The following VPS13A variants were observed in gnomAD, a reference collection of about 807,000 sequenced individuals.
VPS13A encodes the protein intermembrane lipid transfer protein VPS13A.
A neutral mutation model predicts 390.9 loss-of-function variants in VPS13A; 264 were observed. The ratio of observed to expected loss-of-function variants is 0.68; its 90% CI spans 0.61 to 0.75. VPS13A has a LOEUF of 0.75. Ranked by LOEUF, VPS13A falls within the 30% of genes least tolerant of loss-of-function variation. The pLI is 0.00. For missense variants in VPS13A, 3,409 were observed against 3,733.9 expected, an observed-to-expected ratio of 0.91 and a Z score of 2.27; for synonymous variants, 1,231 against 1,227.1, an observed-to-expected ratio of 1.00 and a Z score of -0.07.
intron 46 of VPS13A, among the ~76,000 whole-genome samples, chr9:77,335,911 G>C (rs1196872109): frequency 6.6e-6 from 1 of 152,162 alleles, no homozygotes; most frequent in Non-Finnish European, 1.5e-5. Context: ...ACACACATAT[G>C]TTTATTGCAG....
At chr9:77,399,179 AATAAAAAAAAAAAAAAAAAAAAAAAAC>A (rs1262301958) in intron 68 of VPS13A, among the ~76,000 whole-genome samples, 1 of 60,920 alleles carries the variant, frequency 1.6e-5, no homozygotes, top group Non-Finnish European at 3.3e-5. Context: ...AAAAAAAAAA[AATAAAAAAAAAAAAAAAAAAAAAAAAC>A]AAAGGATACG....
intron 17 of VPS13A, among the ~76,000 whole-genome samples, chr9:77,233,537 G>A (rs755213366): frequency 6.6e-5 from 10 of 151,944 alleles, no homozygotes; most frequent in Non-Finnish European, 1.2e-4. Flanking sequence ...GTAGGCATTT[G>A]CAAACAAAAA....
chr9:77,404,373 G>C (rs559644791), intron 69 of VPS13A, among the ~76,000 whole-genome samples: 1 of 152,104 alleles, frequency 6.6e-6, no homozygotes, highest in Non-Finnish European at 1.5e-5. Flanking sequence ...ACATGTCAAC[G>C]TATGGACAGC....
At chr9:77,358,691 A>T (rs1468964907) in intron 57 of VPS13A, among the ~76,000 whole-genome samples, 1 of 152,236 alleles carries the variant, frequency 6.6e-6, no homozygotes, top group Non-Finnish European at 1.5e-5. Flanking sequence ...AAAAGCAGAT[A>T]ATCTGTAAAC....
rs1830592063 is a variant in VPS13A, at chr9:77,337,343, C to T, written c.6184C>T (p.Leu2062Phe). Residue 2062 changes from leucine to phenylalanine, a missense_variant, in exon 47 of 72, where the codon CTT becomes TTT. Leu to Phe is a conservative substitution (Grantham distance 22). Coordinates refer to ENST00000360280, the MANE Select transcript of VPS13A (RefSeq NM_033305.3). ...AGAGATTATAAAAAATGATGGTGCT[C>T]TTCTAAAGAAGAAATGTAGATCTAA... ...FEEIIKNDGA[L>F]LKKKCRSKNP... The T allele has an allele frequency of 2.5e-6, 4 of 1,612,568 alleles. No homozygotes were observed. The Admixed American group carries it at 5.0e-5, about 20-fold the overall frequency.
rs1829238601 is a variant in VPS13A, at chr9:77,313,978, T to G, written c.4115-14T>G. 1.9e-6 allele frequency: 3 copies of G among 1,607,854 alleles called. No homozygotes were observed. Among genetic ancestry groups the G allele is most frequent in the Non-Finnish European group, 2.5e-6 (3 of 1,176,644 alleles). On this transcript the variant is annotated splice_polypyrimidine_tract_variant and intron_variant, in intron 35 of 71. Coordinates refer to ENST00000360280, the MANE Select transcript of VPS13A (RefSeq NM_033305.3). ...TGATATTTTCTTTTATTAAATAACT[T>G]TAATTTTTTCAAGGAGCAACTGTGG... is the stretch of plus-strand genomic sequence containing the variant.
chr9:77,321,647 A>C lies in VPS13A; in HGVS notation c.5731A>C (p.Asn1911His). The change falls in exon 44 of 72, where the codon AAT becomes CAT. Residue 1911 changes from asparagine (N) to histidine (H), a missense_variant. Transcript: ENST00000360280. The stretch of plus-strand genomic sequence containing the variant: ...TATGGCAAAATCATATGTATTGAAA[A>C]ATGGAGAAAGTTTAAGTATGGATTA... ...IPMAKSYVLK[N>H]GESLSMDYIR... 1.2e-6 allele frequency: 2 copies of C among 1,613,350 alleles called. No individual in the cohort carries two copies. The highest frequency in any genetic ancestry group is 8.5e-7 in the Non-Finnish European group (1 of 1,179,576).
Position 77,314,706 on chromosome 9 carries a change from C to T in VPS13A, c.4412+42C>T, listed in dbSNP as rs41289965. 3.6e-3 allele frequency: 5,750 copies of T among 1,579,660 alleles called. 22 individuals are homozygous for T. Among genetic ancestry groups the T allele is most frequent in the Non-Finnish European group, 4.7e-3 (5,423 of 1,151,086 alleles). On this transcript the variant is annotated intron_variant, in intron 37 of 71. Coordinates refer to ENST00000360280, the MANE Select transcript of VPS13A (RefSeq NM_033305.3). ...TGTTCTAAGGTTTTACTTGAGAAATCGTTGATATATTTTACAGAATTCATC... is the reference window on the plus strand; with the variant it reads ...TGTTCTAAGGTTTTACTTGAGAAATTGTTGATATATTTTACAGAATTCATC...
chr9:77,261,783 C>T (rs148467147), intron 23 of VPS13A, among the ~76,000 whole-genome samples: 5 of 152,056 alleles, frequency 3.3e-5, no homozygotes, highest in African/African-American at 4.8e-5. Flanking sequence ...TGGAGTTTCA[C>T]CATGTTGGCC....
intron 26 of VPS13A, among the ~76,000 whole-genome samples, 163 bp downstream of exon 26, chr9:77,276,384 G>A (rs997781346): frequency 6.6e-6 from 1 of 151,994 alleles, no homozygotes; most frequent in African/African-American, 2.4e-5. Flanking sequence ...TTGGTAATGT[G>A]GGGGGCACAC....
intron 53 of VPS13A, among the ~76,000 whole-genome samples, chr9:77,351,679 G>A (rs1831474831): frequency 6.6e-6 from 1 of 152,120 alleles, no homozygotes; most frequent in Non-Finnish European, 1.5e-5. Flanking sequence ...GACCAGCCTG[G>A]CCAATATGGT....
At chr9:77,214,258 A>G (rs1204409202) in intron 9 of VPS13A, 71 bp from the exon 10 acceptor site, 3 of 1,341,032 alleles carry the variant, frequency 2.2e-6, no homozygotes, top group East Asian at 4.7e-5. Flanking sequence ...CCTGGGTGAC[A>G]GGGGGAGACT....
At chr9:77,212,184 C>T (rs550922976) in intron 7 of VPS13A, among the ~76,000 whole-genome samples, 2 of 152,268 alleles carry the variant, frequency 1.3e-5, no homozygotes, top group African/African-American at 4.8e-5. Context: ...CTCTCAGTGG[C>T]TTTTCATTGC....
intron 46 of VPS13A, among the ~76,000 whole-genome samples, chr9:77,336,896 T>C (rs1395368450): frequency 6.7e-6 from 1 of 149,392 alleles, no homozygotes; most frequent in African/African-American, 2.5e-5. Flanking sequence ...TCCCGGGTTC[T>C]CTCCATTCTC....
At chr9:77,299,016 A>T (rs1027129254) in intron 33 of VPS13A, among the ~76,000 whole-genome samples, 9 of 152,110 alleles carry the variant, frequency 5.9e-5, no homozygotes, top group Non-Finnish European at 1.0e-4. Flanking sequence ...TTAAATAGGG[A>T]ATCCTTTCCC....
intron 13 of VPS13A, among the ~76,000 whole-genome samples, chr9:77,224,053 C>T (rs951695165): frequency 1.3e-5 from 2 of 152,116 alleles, no homozygotes; most frequent in South Asian, 2.1e-4. Flanking sequence ...GCTCTATACA[C>T]GGAACAGCAA....
intron 71 of VPS13A, among the ~76,000 whole-genome samples, chr9:77,412,991 C>G (rs576832860): frequency 6.6e-6 from 1 of 152,334 alleles, no homozygotes; most frequent in East Asian, 1.9e-4. Context: ...AACTCCCATT[C>G]ACAATTGCTT....
At chr9:77,331,985 A>C (rs1295539382) in intron 45 of VPS13A, 25 bp from the exon 46 acceptor site, 1 of 1,486,426 alleles carries the variant, frequency 6.7e-7, no homozygotes, top group South Asian at 1.1e-5. Flanking sequence ...AATGATACTA[A>C]ATATTATTTG....
At position 77,247,103 on chromosome 9, in the gene VPS13A, T is replaced by C. The variant is rs117366351; in HGVS notation, c.1901-156T>C. 8.5e-3 allele frequency among the ~76,000 whole-genome samples: 1,287 copies of C among 152,270 alleles called. 9 individuals are homozygous for C. Among genetic ancestry groups the C allele is most frequent in the South Asian group, 0.014 (67 of 4,822 alleles). ...ATAGGAGTACATGCATTGGCAGGTA[T>C]TTTAAATTTTATATTGGAAGTATTT... On this transcript the variant is annotated intron_variant, in intron 19 of 71. Coordinates refer to ENST00000360280, the MANE Select transcript of VPS13A (RefSeq NM_033305.3).
Sources: gnomAD v4.1 joint callset for allele counts (sites outside exome capture counted in the v4.1 genomes callset) on GRCh38, gnomAD v4.1.1 for gene constraint, MANE v1.5 for transcripts, NCBI Gene and HGNC (gene_info 2026-07-23, HGNC 2026-07-21) for gene names.